The following ZNF546 variants were observed in gnomAD, a reference collection of about 807,000 sequenced individuals.
The protein encoded by ZNF546 is zinc finger protein 546, also known as CTC-471F3.6.
A neutral mutation model predicts 76.2 loss-of-function variants in ZNF546; 60 were observed. That is an observed-to-expected ratio of 0.79 (90% CI 0.64 to 0.98). The LOEUF (loss-of-function observed/expected upper bound fraction) is 0.98, where lower values mean the gene tolerates loss of function less well. Among genes scored for constraint, ZNF546 ranks in the 50% least tolerant of loss-of-function variants. The pLI, the probability that ZNF546 is intolerant of heterozygous loss-of-function variation, is 0.00. For missense variants in ZNF546, 936 were observed against 1,035.6 expected (o/e 0.90, Z 1.32); for synonymous variants, 277 against 328.1 (o/e 0.84, Z 1.68).
chr19:40,006,255 G>C, intron 4 of ZNF546, 73 bp downstream of exon 4: 1 of 1,383,766 alleles, frequency 7.2e-7, no homozygotes, highest in African/African-American at 1.4e-5. Flanking sequence ...TCGTTATCTT[G>C]AGACTTCCTT....
rs1313052827 is a variant in ZNF546 at position 40,019,186 on chromosome 19, A to G, written c.*3405A>G. The stretch of plus-strand genomic sequence containing the variant: ...ATGAATGGTAAGATCAGAATTTGTG[A>G]ATGTGGCCAAACCTGTGCTCAGTGA... On this transcript the variant is annotated 3_prime_UTR_variant, in exon 7 of 7. Coordinates refer to ENST00000347077, the MANE Select transcript of ZNF546 (RefSeq NM_178544.5). The G allele has an allele frequency of 1.3e-5, 2 of 152,218 alleles. No individual in the cohort carries two copies. Among genetic ancestry groups the G allele is most frequent in the Non-Finnish European group, 2.9e-5 (2 of 68,036 alleles). 9.4% of individuals were successfully genotyped at this position (152,218 alleles called of 1,614,324 possible). A position where few individuals can be genotyped will look rare whatever the true frequency, so the allele number is the denominator to read the frequency against.
At chr19:40,008,385 G>T in intron 5 of ZNF546, 85 bp from the exon 6 acceptor site, 1 of 1,033,762 alleles carries the variant, frequency 9.7e-7, no homozygotes, top group Non-Finnish European at 1.4e-6. Context: ...TCTTACAAAT[G>T]TAACCAAGTC....
In ZNF546 at chr19:40,016,891, TAAA is replaced by T. The variant is rs1971777778; in HGVS notation, c.*1112_*1114del. 6.6e-6 allele frequency: 1 copy of T among 152,242 alleles called. No individual in the cohort carries two copies. Among genetic ancestry groups the T allele is most frequent in the Non-Finnish European group, 1.5e-5 (1 of 68,050 alleles). The allele number at this position is 152,242 out of a possible 1,614,324, so 9.4% of individuals were successfully genotyped here. On this transcript the variant is annotated 3_prime_UTR_variant, in exon 7 of 7. Coordinates refer to ENST00000347077, the MANE Select transcript of ZNF546 (RefSeq NM_178544.5). Reference sequence around the variant, plus strand: ...AAACATGCCCCTGTGCCTTGGTTTTTAAAATGGTAATAACAGTACCACCTAATA... The same window carrying T: ...AAACATGCCCCTGTGCCTTGGTTTTTATGGTAATAACAGTACCACCTAATA...
In ZNF546 at chr19:40,019,572, T is replaced by C. The variant is rs1971827481; in HGVS notation, c.*3791T>C. On this transcript the variant is annotated 3_prime_UTR_variant, in exon 7 of 7. Coordinates refer to ENST00000347077, the MANE Select transcript of ZNF546 (RefSeq NM_178544.5). ...TAAGTACAGATGGAGGAGATATTTT[T>C]TGTTTTATTGAAAATTTCAAGGAGG... 1 of 152,222 alleles carries C rather than the reference T, an allele frequency of 6.6e-6. No homozygotes were observed. Among genetic ancestry groups the C allele is most frequent in the Admixed American group, 6.5e-5 (1 of 15,288 alleles). The allele number at this position is 152,222 out of a possible 1,614,324, so 9.4% of individuals were successfully genotyped here.
chr19:40,016,691 GCAAA>G lies in ZNF546; in HGVS notation c.*914_*917del, dbSNP rs1339652610. ...TCTATAACTTTTGCAGAGACCAGAAGCAAACAATTTGTGGGCCAGTGTCAACACA... is the reference window on the plus strand; with the variant it reads ...TCTATAACTTTTGCAGAGACCAGAAGCAATTTGTGGGCCAGTGTCAACACA... On this transcript the variant is annotated 3_prime_UTR_variant, in exon 7 of 7. Coordinates refer to ENST00000347077, the MANE Select transcript of ZNF546 (RefSeq NM_178544.5). The G allele has an allele frequency of 6.6e-6, 1 of 152,176 alleles. No homozygotes were observed. The highest frequency in any genetic ancestry group is 1.5e-5 in the Non-Finnish European group (1 of 68,042). 9.4% of individuals were successfully genotyped at this position (152,176 alleles called of 1,614,324 possible).
At chr19:39,998,649 C>G (rs1330006881) in intron 3 of ZNF546, 1 of 474,994 alleles carries the variant, frequency 2.1e-6, no homozygotes, top group East Asian at 3.4e-5. Flanking sequence ...TCTGTGTGAA[C>G]ATGAGCAGGG....
chr19:40,008,462 A>C lies in ZNF546; in HGVS notation c.299-8A>C. The C allele has an allele frequency of 1.3e-6, 2 of 1,560,434 alleles. No homozygotes were observed. Among genetic ancestry groups the C allele is most frequent in the East Asian group, 2.3e-5 (1 of 44,444 alleles). On this transcript the variant is annotated splice_region_variant and splice_polypyrimidine_tract_variant and intron_variant, in intron 5 of 6. Coordinates refer to ENST00000347077, the MANE Select transcript of ZNF546 (RefSeq NM_178544.5). ...TATAACATGTGTCATTTCTTTTCTC[A>C]TGAGCAGGATATACCATTCCTAAGC... is the stretch of plus-strand genomic sequence containing the variant.
rs1971803775 is a variant in ZNF546 at position 40,018,178 on chromosome 19, G to T, written c.*2397G>T. On this transcript the variant is annotated 3_prime_UTR_variant, in exon 7 of 7. Transcript: ENST00000347077. ...GTAGAGACGGGGTTTCACCATGTTA[G>T]CCAGGACGGTCTCGATCTCCTGACC... 6.6e-6 allele frequency: 1 copy of T among 152,046 alleles called. No homozygotes were observed. Among genetic ancestry groups the T allele is most frequent in the Non-Finnish European group, 1.5e-5 (1 of 68,116 alleles). The allele number at this position is 152,046 out of a possible 1,614,324, so 9.4% of individuals were successfully genotyped here. A position where few individuals can be genotyped will look rare whatever the true frequency, so the allele number is the denominator to read the frequency against.
At chr19:40,000,181 A>G (rs1160774756) in intron 3 of ZNF546, among the ~76,000 whole-genome samples, 1 of 152,226 alleles carries the variant, frequency 6.6e-6, no homozygotes, top group Non-Finnish European at 1.5e-5. Flanking sequence ...GACATAATTT[A>G]TCAAGTAAGA....
At chr19:40,005,318 C>T (rs928745205) in intron 3 of ZNF546, among the ~76,000 whole-genome samples, 2 of 152,012 alleles carry the variant, frequency 1.3e-5, no homozygotes, top group African/African-American at 4.8e-5. Flanking sequence ...CCGCGCCCGG[C>T]CTAACCTGCA....
Position 40,008,563 on chromosome 19 carries a change from C to T in ZNF546, c.392C>T (p.Thr131Ile). The T allele has an allele frequency of 6.2e-7, 1 of 1,611,756 alleles. No homozygotes were observed. Among genetic ancestry groups the T allele is most frequent in the Non-Finnish European group, 8.5e-7 (1 of 1,178,354 alleles). The change falls in exon 6 of 7, where the codon ACA becomes ATA. Residue 131 changes from threonine to isoleucine, a missense_variant and splice_region_variant. By Grantham distance (89) the Thr-to-Ile change is moderately conservative. Coordinates refer to ENST00000347077, the MANE Select transcript of ZNF546 (RefSeq NM_178544.5). ...AGGGAAGGGACAAGGAATTGGTTCACAGGTGAGTGACAGCAAATTAGGCGG... is the reference window on the plus strand; with the variant it reads ...AGGGAAGGGACAAGGAATTGGTTCATAGGTGAGTGACAGCAAATTAGGCGG... ...VMREGTRNWF[T>I]DLEYKYITKN... is the part of the protein sequence containing the mutation.
In ZNF546 at chr19:40,004,734, G is replaced by A. The variant is rs1250104552; in HGVS notation, c.85-1362G>A. Among the ~76,000 whole-genome samples the A allele has an allele frequency of 2.0e-5, 3 of 151,890 alleles. No individual in the cohort carries two copies. In the East Asian group the frequency reaches 5.8e-4, roughly 29 times the overall value. On this transcript the variant is annotated intron_variant, in intron 3 of 6. Transcript: ENST00000347077. ...TTTATGTATGTGTGTGTGTGTGTAT[G>A]TTTTCACAAATGTAATTATATTGTA...
At chr19:39,997,669 A>G (rs570682380) in intron 1 of ZNF546, among the ~76,000 whole-genome samples, 192 bp from the exon 2 acceptor site, 1 of 152,262 alleles carries the variant, frequency 6.6e-6, no homozygotes, top group African/African-American at 2.4e-5. Flanking sequence ...CTGCATTCCC[A>G]TACCTTTGAT....
chr19:40,005,792 T>G (rs796555650), intron 3 of ZNF546, among the ~76,000 whole-genome samples: 10 of 152,316 alleles, frequency 6.6e-5, no homozygotes, highest in African/African-American at 2.2e-4. Flanking sequence ...TACATTATTT[T>G]AAGCCCTCAT....
chr19:40,000,404 C>T (rs1243725739), intron 3 of ZNF546, among the ~76,000 whole-genome samples: 2 of 151,840 alleles, frequency 1.3e-5, no homozygotes, highest in African/African-American at 2.4e-5. Flanking sequence ...GCAGGTGGAT[C>T]ACGAGGTCAG....
At position 39,998,362 on chromosome 19, in the gene ZNF546, T is replaced by A. The variant is rs147438493; in HGVS notation, c.36T>A (p.Asn12Lys). Residue 12 changes from asparagine (N) to lysine (K), a missense_variant, in exon 3 of 7, where the codon AAT becomes AAA. Transcript: ENST00000347077. ...ACCCTCCTCTTCACGGGCCTCCAAA[T>A]GACTTTCTCATTTTTCAAATCATTC... ...QVDPPLHGPP[N>K]DFLIFQIIPL... 4.3e-6 allele frequency: 7 copies of A among 1,614,078 alleles called. No individual in the cohort carries two copies. Among genetic ancestry groups the A allele is most frequent in the Non-Finnish European group, 5.9e-6 (7 of 1,180,034 alleles).
rs1382309204 is a variant in ZNF546, at chr19:40,013,905, C to G, written c.635C>G (p.Ala212Gly). ...ISHPLHPKIH[A>G]REKSYECKEC... The stretch of plus-strand genomic sequence containing the variant: ...CATCCTCTACATCCAAAAATTCATG[C>G]TAGAGAGAAATCATATGAATGTAAG... Residue 212 changes from alanine to glycine, a missense_variant, in exon 7 of 7, where the codon GCT becomes GGT. Physicochemically the swap from Ala to Gly is moderately conservative, Grantham distance 60. Coordinates refer to ENST00000347077, the MANE Select transcript of ZNF546 (RefSeq NM_178544.5). 1 of 1,607,464 alleles carries G rather than the reference C, an allele frequency of 6.2e-7. No homozygotes were observed. Among genetic ancestry groups the G allele is most frequent in the Admixed American group, 1.7e-5 (1 of 59,008 alleles).
chr19:39,999,924 T>G (rs1290524320), intron 3 of ZNF546: 7 of 152,214 alleles, frequency 4.6e-5, no homozygotes. Flanking sequence ...TGTGTGTGTA[T>G]GTGTGTGCGC....
intron 6 of ZNF546, chr19:40,011,373 A>G (rs191202146): frequency 7.2e-5 from 11 of 151,948 alleles, no homozygotes; most frequent in Non-Finnish European, 1.3e-4. Flanking sequence ...CTACAGGTAC[A>G]CGCCACCACA....
Sources: allele counts gnomAD v4.1 joint callset (sites outside exome capture counted in the v4.1 genomes callset), GRCh38; gene constraint gnomAD v4.1.1; transcripts MANE v1.5; gene names NCBI Gene and HGNC (gene_info 2026-07-23, HGNC 2026-07-21).